Variants in IL15 observed in about 807,000 individuals in gnomAD.
The protein encoded by IL15 is interleukin 15, also known as interleukin-15.
Under a neutral mutation model 19.6 loss-of-function variants are expected in IL15, and 11 were observed. The ratio of observed to expected loss-of-function variants is 0.56; its 90% CI spans 0.35 to 0.93. IL15 has a LOEUF of 0.93. IL15 is among the 40% of genes least tolerant of loss of function. The pLI is 0.01. For synonymous variants in IL15, 58 were observed against 59.6 expected (o/e 0.97, Z 0.12); for missense variants, 197 against 186.5 (o/e 1.06, Z -0.33).
chr4:141,704,944 T>C (rs538161932), intron 2 of IL15, among the ~76,000 whole-genome samples: 2 of 151,918 alleles, frequency 1.3e-5, no homozygotes, highest in Non-Finnish European at 2.9e-5. Context: ...TTTTCATCTC[T>C]TATTTTATTT....
intron 2 of IL15, among the ~76,000 whole-genome samples, chr4:141,706,333 TTC>T (rs1283996825): frequency 6.6e-6 from 1 of 152,094 alleles, no homozygotes; most frequent in Non-Finnish European, 1.5e-5. Flanking sequence ...TCCAGATGTT[TTC>T]TCTTTTCTTT....
intron 2 of IL15, among the ~76,000 whole-genome samples, chr4:141,670,103 T>A (rs951596123): frequency 6.6e-6 from 1 of 151,514 alleles, no homozygotes; most frequent in African/African-American, 2.4e-5. Context: ...AAAAATAGAT[T>A]CAATAAAATT....
intron 2 of IL15, among the ~76,000 whole-genome samples, chr4:141,660,212 C>T (rs1436179998): frequency 6.6e-6 from 1 of 152,164 alleles, no homozygotes; most frequent in Non-Finnish European, 1.5e-5. Flanking sequence ...AACCGAATCT[C>T]ACTTGTAGTC....
At chr4:141,683,299 G>C (rs548047359) in intron 2 of IL15, among the ~76,000 whole-genome samples, 1 of 151,330 alleles carries the variant, frequency 6.6e-6, no homozygotes, top group Non-Finnish European at 1.5e-5. Flanking sequence ...GGCTGGGCGC[G>C]GTGGCTCATG....
Position 141,732,839 on chromosome 4 carries a change from C to T in IL15, c.480C>T (p.Asn160=), listed in dbSNP as rs1384382485. ...SFVHIVQMFI[N]TS ...TACATATTGTCCAAATGTTCATCAA[C>T]ACTTCTTGATTGCAATTGATTCTTT... Residue 160 remains asparagine (N), a synonymous_variant, in exon 8 of 8, where the codon AAC becomes AAT. Transcript: ENST00000320650. 2.5e-6 allele frequency: 4 copies of T among 1,607,916 alleles called. No homozygotes were observed. The African/African-American group carries it at 5.4e-5, about 22-fold the overall frequency.
intron 2 of IL15, among the ~76,000 whole-genome samples, chr4:141,668,064 T>C (rs1728049700): frequency 6.6e-6 from 1 of 152,248 alleles, no homozygotes; most frequent in Non-Finnish European, 1.5e-5. Flanking sequence ...CATTAAAATG[T>C]ATGTATACAA....
chr4:141,649,107 T>C (rs1323125026), intron 1 of IL15, among the ~76,000 whole-genome samples: 2 of 152,060 alleles, frequency 1.3e-5, no homozygotes, highest in African/African-American at 4.8e-5. Context: ...TATTTTGACA[T>C]GTTTCTCTCA....
chr4:141,693,459 C>T lies in IL15; in HGVS notation c.-99-25907C>T, dbSNP rs565100171. Among the ~76,000 whole-genome samples the T allele has an allele frequency of 8.5e-5, 13 of 152,146 alleles. No individual in the cohort carries two copies. In the South Asian group the frequency reaches 1.4e-3, roughly 17 times the overall value. On this transcript the variant is annotated intron_variant, in intron 2 of 7. Transcript: ENST00000320650. ...TTGTAACCATAGTGCCTGACACATACGGGATATTCAGTAAATATCTGCTGA... is the reference window on the plus strand; with the variant it reads ...TTGTAACCATAGTGCCTGACACATATGGGATATTCAGTAAATATCTGCTGA...
At chr4:141,651,835 A>G (rs577108585) in intron 1 of IL15, among the ~76,000 whole-genome samples, 1 of 152,238 alleles carries the variant, frequency 6.6e-6, no homozygotes, top group South Asian at 2.1e-4. Context: ...CTGGAGCAAG[A>G]AAAAAGTTAC....
chr4:141,662,647 G>A (rs1183803558), intron 2 of IL15, among the ~76,000 whole-genome samples: 1 of 152,056 alleles, frequency 6.6e-6, no homozygotes, highest in African/African-American at 2.4e-5. Context: ...GTCTTTTACG[G>A]AGTATTTAGT....
At chr4:141,694,901 G>C (rs532706992) in intron 2 of IL15, among the ~76,000 whole-genome samples, 1 of 152,218 alleles carries the variant, frequency 6.6e-6, no homozygotes, top group African/African-American at 2.4e-5. Context: ...CCATCCTTTA[G>C]GCTTCCATTT....
intron 1 of IL15, among the ~76,000 whole-genome samples, chr4:141,643,902 C>T (rs922067608): frequency 1.3e-5 from 2 of 151,832 alleles, no homozygotes; most frequent in African/African-American, 4.8e-5. Flanking sequence ...CTAATACTCA[C>T]TGGATTCCTG....
chr4:141,671,163 G>A (rs1221358688), intron 2 of IL15, among the ~76,000 whole-genome samples: 1 of 152,124 alleles, frequency 6.6e-6, no homozygotes, highest in Non-Finnish European at 1.5e-5. Flanking sequence ...CCTACGTAAA[G>A]AAGCTCATAG....
chr4:141,638,683 A>C (rs1454217140), intron 1 of IL15, among the ~76,000 whole-genome samples: 3 of 152,326 alleles, frequency 2.0e-5, no homozygotes, highest in East Asian at 3.9e-4. Context: ...TTTAAGGTTT[A>C]TCGAAATAGA....
At chr4:141,728,084 C>A (rs1730328437) in intron 6 of IL15, 100 bp downstream of exon 6, 2 of 625,304 alleles carry the variant, frequency 3.2e-6, no homozygotes, top group South Asian at 2.0e-5. Flanking sequence ...TAAAATCTAA[C>A]TTTTGGTGTG....
intron 1 of IL15, among the ~76,000 whole-genome samples, chr4:141,651,385 A>G (rs758516775): frequency 3.3e-5 from 5 of 152,098 alleles, no homozygotes; most frequent in African/African-American, 9.7e-5. Context: ...TGATGTGTAC[A>G]CATGGACATA....
intron 2 of IL15, among the ~76,000 whole-genome samples, chr4:141,702,819 A>G (rs530381372): frequency 1.1e-4 from 17 of 152,312 alleles, no homozygotes; most frequent in African/African-American, 3.8e-4. Flanking sequence ...TAGAGCTCCC[A>G]AAAGTTTATG....
In IL15 at chr4:141,660,092, C is replaced by T. The variant is rs567985455; in HGVS notation, c.-100+3785C>T. ...TTACTGTAACAAGAACCCAGAAAGG[C>T]ACTATTTGTATCAGTTAATCCCTTG... On this transcript the variant is annotated intron_variant, in intron 2 of 7. Transcript: ENST00000320650. Among the ~76,000 whole-genome samples the T allele has an allele frequency of 7.9e-4, 120 of 152,020 alleles. 2 individuals are homozygous for T. The highest frequency in any genetic ancestry group is 3.9e-3 in the Admixed American group (60 of 15,258).
chr4:141,658,510 A>G (rs1426551183), intron 2 of IL15, among the ~76,000 whole-genome samples: 4 of 152,144 alleles, frequency 2.6e-5, no homozygotes, highest in Non-Finnish European at 5.9e-5. Flanking sequence ...TTAAAGCCAC[A>G]GAAATAAATC....
Sources: allele counts gnomAD v4.1 joint callset (sites outside exome capture counted in the v4.1 genomes callset), GRCh38; gene constraint gnomAD v4.1.1; transcripts MANE v1.5; gene names NCBI Gene and HGNC (gene_info 2026-07-23, HGNC 2026-07-21).